The following PTPN22 variants were observed in gnomAD, a reference collection of about 807,000 sequenced individuals.
The protein encoded by PTPN22 is protein tyrosine phosphatase non-receptor type 22.
PTPN22 carries 85 observed loss-of-function variants against 103.3 expected under a neutral mutation model. That is an observed-to-expected ratio of 0.82 (90% CI 0.69 to 0.99). The LOEUF (loss-of-function observed/expected upper bound fraction) is 0.99. Ranked by LOEUF, PTPN22 falls within the 50% of genes least tolerant of loss-of-function variation. The pLI is 0.00. For synonymous variants in PTPN22, 323 were observed against 310.2 expected (o/e 1.04, Z -0.43); for missense variants, 865 against 936.9 (o/e 0.92, Z 1.00).
intron 9 of PTPN22, 28 bp downstream of exon 9, chr1:113,854,443 T>C (rs776556662): frequency 6.3e-7 from 1 of 1,587,472 alleles, no homozygotes; most frequent in Non-Finnish European, 8.7e-7. Flanking sequence ...ACTAAGCAAA[T>C]GGGAAGTGCC....
At chr1:113,818,226 G>A (rs1216130755) in intron 20 of PTPN22, among the ~76,000 whole-genome samples, 1 of 151,542 alleles carries the variant, frequency 6.6e-6, no homozygotes, top group Non-Finnish European at 1.5e-5. Flanking sequence ...GTGCAGTGGC[G>A]CAATCTCAGC....
At chr1:113,856,326 T>G in intron 7 of PTPN22, 56 bp downstream of exon 7, 1 of 1,502,502 alleles carries the variant, frequency 6.7e-7, no homozygotes, top group Non-Finnish European at 8.8e-7. Context: ...CACATCTATA[T>G]TTACTTGCCT....
chr1:113,867,028 C>A (rs1558060851), intron 1 of PTPN22, among the ~76,000 whole-genome samples: 1 of 152,008 alleles, frequency 6.6e-6, no homozygotes, highest in Admixed American at 6.6e-5. Flanking sequence ...ATTACAGGCG[C>A]GAGCCACCTC....
At chr1:113,871,246 T>C (rs1293721056) in intron 1 of PTPN22, among the ~76,000 whole-genome samples, 2 of 152,246 alleles carry the variant, frequency 1.3e-5, no homozygotes, top group Non-Finnish European at 2.9e-5. Context: ...GAAATCTGGA[T>C]GTTCAATTAA....
exon 13 of PTPN22, chr1:113,838,247 A>C (rs1210027399): frequency 5.0e-6 from 8 of 1,614,004 alleles, no homozygotes; most frequent in African/African-American, 1.3e-5. Flanking sequence ...TCAAAACTGT[A>C]ATTTAGCTCC....
chr1:113,821,222 T>A lies in PTPN22; in HGVS notation c.2282-1568A>T, dbSNP rs558435207. ...TCTCAAAGGAGAATATTGTTTTTTT[T>A]ACAAAGGAGGCACAGATTCCACACA... On this transcript the variant is annotated intron_variant, in intron 19 of 20. Transcript: ENST00000359785. Among the ~76,000 whole-genome samples, 14 of 152,316 alleles carry A rather than the reference T, an allele frequency of 9.2e-5. No individual in the cohort carries two copies. The East Asian group carries it at 2.7e-3, about 29-fold the overall frequency.
exon 12 of PTPN22, chr1:113,838,608 G>A (rs1663237103): frequency 2.5e-6 from 4 of 1,613,438 alleles, no homozygotes; most frequent in Non-Finnish European, 3.4e-6. Flanking sequence ...GGAATACAAT[G>A]CTTTGCTTGA....
exon 13 of PTPN22, chr1:113,838,166 G>T: frequency 3.1e-6 from 5 of 1,614,092 alleles, no homozygotes; most frequent in Non-Finnish European, 4.2e-6. Flanking sequence ...AAACTTTGAT[G>T]CTTCTGAAGA....
intron 20 of PTPN22, among the ~76,000 whole-genome samples, chr1:113,815,925 C>G (rs1661111776): frequency 1.3e-5 from 2 of 152,198 alleles, no homozygotes; most frequent in South Asian, 4.1e-4. Context: ...GTGATCCACC[C>G]ACCTTGGCCT....
chr1:113,850,273 GAAAGA>G (rs1368136420), intron 10 of PTPN22, among the ~76,000 whole-genome samples: 12 of 147,436 alleles, frequency 8.1e-5, no homozygotes, highest in African/African-American at 2.6e-4. Flanking sequence ...AGGAAGGAAG[GAAAGA>G]AAGGAAGAAA....
chr1:113,817,032 TA>T (rs1048482468), intron 20 of PTPN22, among the ~76,000 whole-genome samples: 5 of 151,652 alleles, frequency 3.3e-5, no homozygotes, highest in South Asian at 4.2e-4. Flanking sequence ...ATGGTGATGA[TA>T]AAAAAAAATT....
At chr1:113,828,534 C>A (rs1662279241) in intron 18 of PTPN22, among the ~76,000 whole-genome samples, 1 of 152,070 alleles carries the variant, frequency 6.6e-6, no homozygotes, top group South Asian at 2.1e-4. Flanking sequence ...TTTTGAGATA[C>A]CACCTTCATT....
chr1:113,836,553 T>C (rs1386978483), intron 13 of PTPN22, among the ~76,000 whole-genome samples: 6 of 152,204 alleles, frequency 3.9e-5, no homozygotes, highest in Non-Finnish European at 8.8e-5. Context: ...TTTAGCCACA[T>C]AATTGTGCAA....
At chr1:113,852,071 T>C in exon 10 of PTPN22, 1 of 1,611,720 alleles carries the variant, frequency 6.2e-7, no homozygotes, top group African/African-American at 1.3e-5. Flanking sequence ...ATTTCCCGGA[T>C]CAAACTGAAA....
chr1:113,819,538 G>C, intron 20 of PTPN22, 39 bp downstream of exon 20: 1 of 1,457,740 alleles, frequency 6.9e-7, no homozygotes, highest in South Asian at 1.2e-5. Context: ...GAGTAATTTA[G>C]GTAATTTTTT....
At chr1:113,857,907 A>T in intron 4 of PTPN22, 131 bp from the exon 5 acceptor site, 1 of 747,990 alleles carries the variant, frequency 1.3e-6, no homozygotes, top group Non-Finnish European at 2.2e-6. Flanking sequence ...TAACCAAAAA[A>T]TAAATCCTGG....
intron 16 of PTPN22, chr1:113,832,851 A>G (rs1258976581): frequency 3.1e-6 from 1 of 319,870 alleles, no homozygotes; most frequent in Non-Finnish European, 5.7e-6. Context: ...AAAAGCTGCA[A>G]AGTTTTAAAA....
rs74163656 is a variant in PTPN22, at chr1:113,837,969, A to G, written c.1431T>C (p.His477=). The G allele has an allele frequency of 3.4e-4, 551 of 1,614,032 alleles. No individual in the cohort carries two copies. Among genetic ancestry groups the G allele is most frequent in the Non-Finnish European group, 4.5e-4 (535 of 1,180,040 alleles). Residue 477 remains histidine (H), a synonymous_variant, in exon 13 of 21, where the codon CAT becomes CAC. Transcript: ENST00000359785. The stretch of plus-strand genomic sequence containing the variant: ...CCTGCATCTCTACAAAACAAGAATC[A>G]TGTGGTTGAGATTCCAAATAAGAAA...
chr1:113,859,269 G>A, intron 2 of PTPN22, 83 bp downstream of exon 2: 1 of 1,540,770 alleles, frequency 6.5e-7, no homozygotes, highest in South Asian at 1.1e-5. Context: ...CCAAGATCAG[G>A]ATCAGTAAGC....
Sources: allele counts gnomAD v4.1 joint callset (sites outside exome capture counted in the v4.1 genomes callset), GRCh38; gene constraint gnomAD v4.1.1; transcripts MANE v1.5; gene names NCBI Gene and HGNC (gene_info 2026-07-23, HGNC 2026-07-21).